Variants in CNBD1 observed in about 807,000 individuals in gnomAD.
CNBD1 encodes the protein cyclic nucleotide binding domain containing 1.
A neutral mutation model predicts 54.4 loss-of-function variants in CNBD1; 71 were observed. That is an observed-to-expected ratio of 1.30 (90% CI 1.08 to 1.59). The LOEUF (loss-of-function observed/expected upper bound fraction) is 1.59, where lower values mean the gene tolerates loss of function less well. Among genes scored for constraint, CNBD1 ranks in the 40% most tolerant of loss-of-function variants. CNBD1 has a pLI of 0.00. For missense variants in CNBD1, 659 were observed against 518.0 expected (o/e 1.27, Z -2.64); for synonymous variants, 182 against 170.7 (o/e 1.07, Z -0.51).
At chr8:87,268,404 G>A (rs568981324) in intron 6 of CNBD1, among the ~76,000 whole-genome samples, 45 of 152,144 alleles carry the variant, frequency 3.0e-4, no homozygotes, top group African/African-American at 1.0e-3. Flanking sequence ...ATAGTACTGT[G>A]ATTAACATAT....
At chr8:87,025,592 T>A (rs1283517087) in intron 4 of CNBD1, among the ~76,000 whole-genome samples, 1 of 150,574 alleles carries the variant, frequency 6.6e-6, no homozygotes, top group Non-Finnish European at 1.5e-5. Flanking sequence ...AGTCTGGATA[T>A]GCCACCTGTA....
intron 8 of CNBD1, among the ~76,000 whole-genome samples, chr8:87,291,405 C>T (rs1285988304): frequency 6.6e-6 from 1 of 151,918 alleles, no homozygotes; most frequent in Non-Finnish European, 1.5e-5. Flanking sequence ...AGAGATGCCT[C>T]TTTGTCTCTC....
chr8:87,412,555 C>A (rs1807765184), intron 2 of CNBD1, among the ~76,000 whole-genome samples: 1 of 152,014 alleles, frequency 6.6e-6, no homozygotes, highest in South Asian at 2.1e-4. Flanking sequence ...CTAAATTTCA[C>A]CAAGAAAAAT....
At chr8:87,327,867 A>T (rs1445434603) in intron 8 of CNBD1, among the ~76,000 whole-genome samples, 2 of 151,576 alleles carry the variant, frequency 1.3e-5, no homozygotes, top group African/African-American at 2.4e-5. Flanking sequence ...TACAGTTTAA[A>T]GTTTTATGTT....
At chr8:87,197,666 T>C (rs1813750284) in intron 4 of CNBD1, among the ~76,000 whole-genome samples, 1 of 152,196 alleles carries the variant, frequency 6.6e-6, no homozygotes, top group Admixed American at 6.5e-5. Context: ...TCAGGAATGA[T>C]ATTTCCAGAA....
At chr8:87,206,860 T>C (rs1041194987) in intron 5 of CNBD1, among the ~76,000 whole-genome samples, 4 of 152,208 alleles carry the variant, frequency 2.6e-5, no homozygotes, top group African/African-American at 9.6e-5. Flanking sequence ...GGCACAAATA[T>C]CACACAGAGC....
intron 8 of CNBD1, among the ~76,000 whole-genome samples, chr8:87,288,394 A>G (rs1434390403): frequency 2.6e-5 from 4 of 151,996 alleles, no homozygotes; most frequent in Non-Finnish European, 5.9e-5. Context: ...AAAATATAAT[A>G]TCCAATCTTT....
At chr8:87,096,039 T>A (rs577472229) in intron 4 of CNBD1, among the ~76,000 whole-genome samples, 1 of 152,290 alleles carries the variant, frequency 6.6e-6, no homozygotes, top group South Asian at 2.1e-4. Flanking sequence ...AGATGTTAGG[T>A]AATTGGGCAT....
At chr8:87,153,240 G>A (rs1812644249) in intron 4 of CNBD1, among the ~76,000 whole-genome samples, 1 of 152,150 alleles carries the variant, frequency 6.6e-6, no homozygotes, top group Admixed American at 6.5e-5. Context: ...AAAGAAAATT[G>A]CATATTGTGT....
chr8:86,936,111 C>T (rs1256900301), intron 3 of CNBD1, among the ~76,000 whole-genome samples: 1 of 152,012 alleles, frequency 6.6e-6, no homozygotes, highest in Non-Finnish European at 1.5e-5. Context: ...TGCACTCCAT[C>T]CTGGGTGACA....
intron 4 of CNBD1, among the ~76,000 whole-genome samples, chr8:87,197,664 G>T (rs140439602): frequency 6.4e-4 from 98 of 152,156 alleles, no homozygotes; most frequent in Non-Finnish European, 1.1e-3. Flanking sequence ...GATCAGGAAT[G>T]ATATTTCCAG....
intron 3 of CNBD1, among the ~76,000 whole-genome samples, chr8:86,913,000 A>G (rs1809128221): frequency 1.3e-5 from 2 of 152,240 alleles, no homozygotes; most frequent in Non-Finnish European, 2.9e-5. Context: ...GGATAAAGAT[A>G]GAAACAAAGA....
intron 3 of CNBD1, among the ~76,000 whole-genome samples, chr8:86,915,264 A>G (rs926466967): frequency 3.3e-5 from 5 of 151,836 alleles, no homozygotes; most frequent in Middle Eastern, 3.2e-3. Context: ...GTCACTGGAC[A>G]TGCAAAAAGC....
At chr8:87,394,876 A>C (rs1277373240) in intron 2 of CNBD1, among the ~76,000 whole-genome samples, 1 of 151,874 alleles carries the variant, frequency 6.6e-6, no homozygotes, top group Non-Finnish European at 1.5e-5. Context: ...CTGGACAAAG[A>C]AAAGTCTCTG....
intron 6 of CNBD1, among the ~76,000 whole-genome samples, chr8:87,283,716 G>C (rs1345558158): frequency 2.6e-5 from 4 of 151,996 alleles, no homozygotes; most frequent in Non-Finnish European, 4.4e-5. Context: ...TCACAACTGG[G>C]GCAATCCTCC....
intron 1 of CNBD1, among the ~76,000 whole-genome samples, chr8:86,872,059 C>CCAAG (rs762715585): frequency 1.9e-4 from 29 of 152,192 alleles, no homozygotes; most frequent in Admixed American, 3.3e-4. Context: ...AAATGCAAGT[C>CCAAG]ATCAATCCAA....
intron 6 of CNBD1, among the ~76,000 whole-genome samples, chr8:87,275,725 C>A (rs1414277819): frequency 6.6e-6 from 1 of 151,390 alleles, no homozygotes; most frequent in Non-Finnish European, 1.5e-5. Context: ...CTGGCCAGGG[C>A]AATTAGGCAG....
intron 2 of CNBD1, among the ~76,000 whole-genome samples, chr8:87,425,755 G>T (rs1373676466): frequency 5.9e-5 from 9 of 152,000 alleles, no homozygotes; most frequent in Non-Finnish European, 8.8e-5. Flanking sequence ...GTCTGCAGAG[G>T]TTACTGCTGT....
At chr8:87,260,226 T>C (rs1808107567) in intron 6 of CNBD1, among the ~76,000 whole-genome samples, 1 of 152,154 alleles carries the variant, frequency 6.6e-6, no homozygotes, top group Admixed American at 6.6e-5. Context: ...AACCCTAAAA[T>C]TCCTGTACCC....
Sources: allele counts gnomAD v4.1 joint callset (sites outside exome capture counted in the v4.1 genomes callset), GRCh38; gene constraint gnomAD v4.1.1; transcripts MANE v1.5; gene names NCBI Gene and HGNC (gene_info 2026-07-23, HGNC 2026-07-21).